The following C10orf67 variants were observed in gnomAD, a reference collection of about 807,000 sequenced individuals.
C10orf67 encodes the protein chromosome 10 open reading frame 67.
C10orf67 carries 60 observed loss-of-function variants against 35.6 expected under a neutral mutation model. The observed-to-expected ratio is 1.68, with a 90% CI of 1.37 to 2.09. The LOEUF (loss-of-function observed/expected upper bound fraction) is 2.09. Ranked by LOEUF, C10orf67 falls within the 30% of genes most tolerant of loss-of-function variation. The probability of loss-of-function intolerance (pLI) is 0.00; values close to 1 mark genes in which losing one functional copy is unlikely to be tolerated. For missense variants in C10orf67, 474 were observed against 330.2 expected, an observed-to-expected ratio of 1.44 and a Z score of -3.38; for synonymous variants, 167 against 115.8, an observed-to-expected ratio of 1.44 and a Z score of -2.84.
chr10:23,241,378 C>G (rs1842171456), intron 12 of C10orf67, among the ~76,000 whole-genome samples: 1 of 152,148 alleles, frequency 6.6e-6, no homozygotes, highest in Non-Finnish European at 1.5e-5. Context: ...GCTGATAACA[C>G]TTAGATGAAA....
chr10:23,329,208 G>A (rs1054163715), intron 2 of C10orf67, among the ~76,000 whole-genome samples: 1 of 151,792 alleles, frequency 6.6e-6, no homozygotes, highest in Admixed American at 6.6e-5. Flanking sequence ...AGAAAAAAGA[G>A]AGGAGATATG....
At chr10:23,260,391 T>C (rs1213540744) in intron 10 of C10orf67, among the ~76,000 whole-genome samples, 2 of 151,286 alleles carry the variant, frequency 1.3e-5, no homozygotes, top group African/African-American at 4.9e-5. Context: ...AGGAAGAGGG[T>C]ATATGACACC....
intron 5 of C10orf67, among the ~76,000 whole-genome samples, chr10:23,298,429 G>T (rs373132079): frequency 1.3e-5 from 2 of 152,136 alleles, no homozygotes; most frequent in African/African-American, 2.4e-5. Context: ...TGCCCCATTG[G>T]CAAGCTTAAC....
chr10:23,206,442 A>G (rs1412147095), intron 15 of C10orf67, among the ~76,000 whole-genome samples: 1 of 152,234 alleles, frequency 6.6e-6, no homozygotes, highest in African/African-American at 2.4e-5. Flanking sequence ...ATGCACATGT[A>G]TATATGTATA....
chr10:23,203,083 G>C lies in C10orf67; in HGVS notation c.*1090C>G, dbSNP rs966213125. 6.6e-6 allele frequency: 1 copy of C among 152,204 alleles called. No homozygotes were observed. The highest frequency in any genetic ancestry group is 1.5e-5 in the Non-Finnish European group (1 of 68,046). 9.4% of individuals were successfully genotyped at this position (152,204 alleles called of 1,614,324 possible). On this transcript the variant is annotated 3_prime_UTR_variant, in exon 16 of 16. Coordinates refer to ENST00000636213, the MANE Select transcript of C10orf67 (RefSeq NM_001371909.1). ...TTCCTTTCTTTAGCCAAACTGATGGGAGGAAATTTGAAAGAAGCGCCAAAC... is the reference window on the plus strand; with the variant it reads ...TTCCTTTCTTTAGCCAAACTGATGGCAGGAAATTTGAAAGAAGCGCCAAAC...
intron 15 of C10orf67, among the ~76,000 whole-genome samples, chr10:23,204,937 G>A (rs999648520): frequency 6.6e-6 from 1 of 152,198 alleles, no homozygotes; most frequent in African/African-American, 2.4e-5. Flanking sequence ...GCTAATCCCA[G>A]TGAAAGCCGG....
chr10:23,343,977 A>G (rs576429679), intron 1 of C10orf67: 7 of 457,840 alleles, frequency 1.5e-5, no homozygotes, highest in East Asian at 1.5e-4. Context: ...CCTCTGTCTC[A>G]GGCGAGTCGC....
At chr10:23,318,784 A>G in intron 4 of C10orf67, 1 of 682,050 alleles carries the variant, frequency 1.5e-6, no homozygotes. Context: ...CTCATGAATA[A>G]GAGGCCAGAG....
At chr10:23,299,151 A>G (rs1843988146) in intron 5 of C10orf67, among the ~76,000 whole-genome samples, 1 of 152,158 alleles carries the variant, frequency 6.6e-6, no homozygotes, top group Non-Finnish European at 1.5e-5. Flanking sequence ...TAGAGGAACA[A>G]CAGACTCATT....
chr10:23,295,859 A>G (rs1014767273), intron 5 of C10orf67, among the ~76,000 whole-genome samples: 1 of 152,232 alleles, frequency 6.6e-6, no homozygotes, highest in Non-Finnish European at 1.5e-5. Context: ...TATTAGATCT[A>G]TGCTATTGAC....
At chr10:23,249,199 A>G (rs2132155514) in intron 12 of C10orf67, among the ~76,000 whole-genome samples, 1 of 150,698 alleles carries the variant, frequency 6.6e-6, no homozygotes, top group South Asian at 2.1e-4. Flanking sequence ...ACTGAAGAAT[A>G]GGGTAAATCC....
chr10:23,232,608 T>C (rs1260613054), intron 13 of C10orf67, among the ~76,000 whole-genome samples: 1 of 152,168 alleles, frequency 6.6e-6, no homozygotes, highest in African/African-American at 2.4e-5. Context: ...ACTCTAGTAA[T>C]GCCCTAAACC....
At chr10:23,273,022 T>C (rs183761845) in intron 8 of C10orf67, among the ~76,000 whole-genome samples, 1 of 152,360 alleles carries the variant, frequency 6.6e-6, no homozygotes, top group East Asian at 1.9e-4. Flanking sequence ...ACAAGATTTT[T>C]GTATCTTGAT....
Position 23,344,581 on chromosome 10 carries a change from C to T in C10orf67, c.194G>A (p.Arg65His), listed in dbSNP as rs768419600. The T allele has an allele frequency of 4.4e-6, 7 of 1,576,752 alleles. No homozygotes were observed. In the East Asian group the frequency reaches 7.0e-5, roughly 16 times the overall value. The change falls in exon 1 of 16, where the codon CGC (arginine) becomes CAC (histidine). Residue 65 changes from arginine to histidine, a missense_variant. Transcript: ENST00000636213. ...EAREFKPPQM[R>H]GSTRLNISDD... ...GAGCTCAGCCTACCTCGTGGACCCG[C>T]GCATTTGCGGGGGCTTGAATTCCCG...
chr10:23,206,923 G>C (rs1002908197), intron 15 of C10orf67, among the ~76,000 whole-genome samples: 2 of 152,172 alleles, frequency 1.3e-5, no homozygotes, highest in Non-Finnish European at 1.5e-5. Flanking sequence ...ATATCTCCAA[G>C]TTATGCCTCA....
At chr10:23,264,198 T>C (rs962387361) in intron 10 of C10orf67, among the ~76,000 whole-genome samples, 1 of 152,154 alleles carries the variant, frequency 6.6e-6, no homozygotes, top group African/African-American at 2.4e-5. Context: ...AGCTAGAATG[T>C]GTATATATAC....
chr10:23,328,993 C>CAAAAAAAAAAAAAAAAAAGA (rs1845310437), intron 2 of C10orf67, among the ~76,000 whole-genome samples: 32 of 78,732 alleles, frequency 4.1e-4, no homozygotes, highest in East Asian at 1.1e-3. Context: ...CATAAACGAA[C>CAAAAAAAAAAAAAAAAAAGA]AAAAAAAAAA....
intron 13 of C10orf67, among the ~76,000 whole-genome samples, chr10:23,233,174 T>G (rs577367096): frequency 2.0e-5 from 3 of 152,144 alleles, no homozygotes; most frequent in South Asian, 4.2e-4. Context: ...AAAAGAAAAG[T>G]GTACATAAGA....
At chr10:23,335,187 CA>C (rs147004467) in intron 1 of C10orf67, among the ~76,000 whole-genome samples, 2,290 of 79,260 alleles carry the variant, frequency 0.029, 39 homozygotes, top group African/African-American at 0.077. Flanking sequence ...GATTCTGTCT[CA>C]AAAAAAAAAA....
Sources: gnomAD v4.1 joint callset for allele counts (sites outside exome capture counted in the v4.1 genomes callset) on GRCh38, gnomAD v4.1.1 for gene constraint, MANE v1.5 for transcripts, NCBI Gene and HGNC (gene_info 2026-07-23, HGNC 2026-07-21) for gene names.